The following NRXN3 variants were observed in gnomAD, a reference collection of about 807,000 sequenced individuals.
The protein encoded by NRXN3 is neurexin III.
A neutral mutation model predicts 137.6 loss-of-function variants in NRXN3; 32 were observed. The ratio of observed to expected loss-of-function variants is 0.23; its 90% CI spans 0.18 to 0.31. The LOEUF (loss-of-function observed/expected upper bound fraction) is 0.31. NRXN3 is among the 10% of genes least tolerant of loss of function. The pLI is 1.00. For synonymous variants in NRXN3, 798 were observed against 784.5 expected (o/e 1.02, Z -0.29); for missense variants, 1,574 against 2,062.5 (o/e 0.76, Z 4.59).
At chr14:79,122,163 GA>G (rs1366695129) in intron 15 of NRXN3, among the ~76,000 whole-genome samples, 15 of 152,330 alleles carry the variant, frequency 9.8e-5, no homozygotes, top group African/African-American at 3.4e-4. Context: ...GTCATGCACA[GA>G]AGCAGAAAGA....
At chr14:79,274,914 C>T (rs988846689) in intron 15 of NRXN3, among the ~76,000 whole-genome samples, 1 of 152,248 alleles carries the variant, frequency 6.6e-6, no homozygotes, top group African/African-American at 2.4e-5. Flanking sequence ...TATACATTCT[C>T]TAAACTATAC....
chr14:79,574,291 A>G (rs2097644907), intron 16 of NRXN3, among the ~76,000 whole-genome samples: 1 of 152,052 alleles, frequency 6.6e-6, no homozygotes, highest in Admixed American at 6.6e-5. Flanking sequence ...GGTAGATGGT[A>G]TAGCATAAAG....
At chr14:79,308,934 T>A (rs1421167093) in intron 15 of NRXN3, among the ~76,000 whole-genome samples, 2 of 136,774 alleles carry the variant, frequency 1.5e-5, no homozygotes, top group East Asian at 4.1e-4. Context: ...TATTTTTTAA[T>A]TTTTTTTTTA....
chr14:79,234,147 A>G (rs537616227), intron 15 of NRXN3, among the ~76,000 whole-genome samples: 4 of 151,224 alleles, frequency 2.6e-5, no homozygotes, highest in African/African-American at 9.7e-5. Flanking sequence ...TCAGCCCAGC[A>G]TTGGATATGT....
chr14:79,196,373 A>G (rs2065127649), intron 15 of NRXN3, among the ~76,000 whole-genome samples: 1 of 152,184 alleles, frequency 6.6e-6, no homozygotes, highest in Non-Finnish European at 1.5e-5. Context: ...TTTGTGCTAC[A>G]TGATCCCATG....
At chr14:79,384,885 C>T (rs1254132857) in intron 15 of NRXN3, among the ~76,000 whole-genome samples, 1 of 152,120 alleles carries the variant, frequency 6.6e-6, no homozygotes, top group Non-Finnish European at 1.5e-5. Flanking sequence ...GCTATTGGAA[C>T]AATCGCTGCT....
At chr14:79,759,389 T>C (rs1180678299) in intron 19 of NRXN3, among the ~76,000 whole-genome samples, 1 of 151,538 alleles carries the variant, frequency 6.6e-6, no homozygotes, top group Admixed American at 6.6e-5. Flanking sequence ...AAAAGCCCAA[T>C]GAAATGTAAA....
intron 15 of NRXN3, among the ~76,000 whole-genome samples, chr14:79,198,742 A>G (rs2065478041): frequency 6.6e-6 from 1 of 152,240 alleles, no homozygotes; most frequent in Non-Finnish European, 1.5e-5. Flanking sequence ...TGGTTTACTT[A>G]GAAACCTTGA....
chr14:79,477,521 T>G (rs1237462135), intron 16 of NRXN3, among the ~76,000 whole-genome samples: 2 of 152,140 alleles, frequency 1.3e-5, no homozygotes, highest in African/African-American at 4.8e-5. Context: ...ATGATAGCCA[T>G]GTTCTTGTGT....
intron 20 of NRXN3, among the ~76,000 whole-genome samples, chr14:79,858,862 A>T (rs992245562): frequency 2.0e-5 from 3 of 152,048 alleles, no homozygotes. Context: ...TAGTTTTAGG[A>T]CTGGCTTACC....
chr14:79,732,397 A>G (rs1252686772), intron 19 of NRXN3, among the ~76,000 whole-genome samples: 6 of 152,194 alleles, frequency 3.9e-5, no homozygotes, highest in Admixed American at 6.5e-5. Flanking sequence ...GCATGAGAAT[A>G]GGGAAAGGGC....
At chr14:78,972,719 C>G (rs1381109200) in intron 14 of NRXN3, among the ~76,000 whole-genome samples, 4 of 152,162 alleles carry the variant, frequency 2.6e-5, no homozygotes, top group Non-Finnish European at 5.9e-5. Context: ...CTCCCCAACC[C>G]CATCTTTGCT....
chr14:79,334,206 A>ATTGGTT (rs2092048574), intron 15 of NRXN3, among the ~76,000 whole-genome samples: 2 of 152,216 alleles, frequency 1.3e-5, no homozygotes. Flanking sequence ...CAATCTGGAA[A>ATTGGTT]TAAATATATA....
At chr14:79,235,875 A>G (rs909559975) in intron 15 of NRXN3, among the ~76,000 whole-genome samples, 9 of 152,150 alleles carry the variant, frequency 5.9e-5, no homozygotes, top group Non-Finnish European at 1.2e-4. Context: ...GGGTTAAAAA[A>G]AAGAATTACC....
chr14:79,387,189 T>C (rs2094655405), intron 15 of NRXN3, among the ~76,000 whole-genome samples: 1 of 152,068 alleles, frequency 6.6e-6, no homozygotes, highest in Admixed American at 6.6e-5. Context: ...GAGAAAATTT[T>C]TGCAATCTAC....
intron 1 of NRXN3, among the ~76,000 whole-genome samples, chr14:78,233,486 A>G (rs1049710829): frequency 6.6e-6 from 1 of 152,120 alleles, no homozygotes; most frequent in Non-Finnish European, 1.5e-5. Flanking sequence ...AGACCTACTT[A>G]GTACTGGACA....
chr14:79,237,440 G>A (rs2073577988), intron 15 of NRXN3, among the ~76,000 whole-genome samples: 1 of 151,998 alleles, frequency 6.6e-6, no homozygotes, highest in South Asian at 2.1e-4. Context: ...AACCAACAGT[G>A]GGGTGCAGGG....
intron 4 of NRXN3, among the ~76,000 whole-genome samples, chr14:78,567,683 G>A (rs1345273368): frequency 6.6e-6 from 1 of 151,942 alleles, no homozygotes; most frequent in Non-Finnish European, 1.5e-5. Context: ...GGTTTAAATG[G>A]CTTTATTATG....
chr14:79,116,682 G>C (rs2054505863), intron 15 of NRXN3, among the ~76,000 whole-genome samples: 2 of 152,160 alleles, frequency 1.3e-5, no homozygotes, highest in South Asian at 4.1e-4. Context: ...GGTGTGTGAA[G>C]GGTCTTTAAA....
Sources: gnomAD v4.1 joint callset for allele counts (sites outside exome capture counted in the v4.1 genomes callset) on GRCh38, gnomAD v4.1.1 for gene constraint, MANE v1.5 for transcripts, NCBI Gene and HGNC (gene_info 2026-07-23, HGNC 2026-07-21) for gene names.